SORCS2: variants seen among roughly 807,000 people sequenced by gnomAD.
SORCS2 encodes the protein sortilin related VPS10 domain containing receptor 2, also known as VPS10 domain-containing receptor SorCS2.
SORCS2 carries 100 observed loss-of-function variants against 141.6 expected under a neutral mutation model. The observed-to-expected ratio is 0.71, with a 90% CI of 0.60 to 0.83. The LOEUF is 0.83. SORCS2 is among the 40% of genes least tolerant of loss of function. SORCS2 has a pLI of 0.00. For synonymous variants in SORCS2, 789 were observed against 676.9 expected (o/e 1.17, Z -2.57); for missense variants, 1,646 against 1,560.2 (o/e 1.05, Z -0.93).
chr4:7,328,491 C>A (rs1318704960), intron 1 of SORCS2, among the ~76,000 whole-genome samples: 1 of 152,104 alleles, frequency 6.6e-6, no homozygotes, highest in Non-Finnish European at 1.5e-5. Flanking sequence ...AGGCACAGAT[C>A]TGCACAGGTT....
chr4:7,327,406 CCT>C (rs1182129960), intron 1 of SORCS2, among the ~76,000 whole-genome samples: 2 of 152,196 alleles, frequency 1.3e-5, no homozygotes, highest in Non-Finnish European at 2.9e-5. Context: ...GACCTCCGCT[CCT>C]CTCTTGTCTA....
chr4:7,692,745 T>G (rs10023670), intron 11 of SORCS2, among the ~76,000 whole-genome samples: 1 of 151,942 alleles, frequency 6.6e-6, no homozygotes, highest in Non-Finnish European at 1.5e-5. Context: ...TTGGATTGAG[T>G]CTGCTGGGCA....
chr4:7,497,996 C>T (rs1269948785), intron 2 of SORCS2, among the ~76,000 whole-genome samples: 1 of 152,260 alleles, frequency 6.6e-6, no homozygotes, highest in Non-Finnish European at 1.5e-5. Flanking sequence ...CTGGTGCCCA[C>T]AGCCTGTTTC....
At chr4:7,213,445 G>T (rs569482798) in intron 1 of SORCS2, among the ~76,000 whole-genome samples, 1 of 152,334 alleles carries the variant, frequency 6.6e-6, no homozygotes, top group African/African-American at 2.4e-5. Context: ...GGGAAATGGT[G>T]CAGACAGCAA....
intron 1 of SORCS2, among the ~76,000 whole-genome samples, chr4:7,290,450 A>C (rs1423610141): frequency 1.3e-5 from 2 of 152,168 alleles, no homozygotes; most frequent in Admixed American, 6.5e-5. Flanking sequence ...AGAGGAACCT[A>C]GTTGATTTTT....
At chr4:7,377,185 G>A (rs772003706) in intron 1 of SORCS2, among the ~76,000 whole-genome samples, 4 of 151,740 alleles carry the variant, frequency 2.6e-5, no homozygotes, top group South Asian at 2.1e-4. Flanking sequence ...TTTTTCCTCC[G>A]GATTTGTATC....
chr4:7,403,983 ATATATATATATATATTTTTTT>A (rs1404435878), intron 2 of SORCS2, among the ~76,000 whole-genome samples: 12 of 20,236 alleles, frequency 5.9e-4, no homozygotes, highest in African/African-American at 2.1e-3. Context: ...ATATATATAT[ATATATATATATATATTTTTTT>A]TTTTTTTTTA....
intron 18 of SORCS2, among the ~76,000 whole-genome samples, chr4:7,720,390 G>A (rs1276679533): frequency 6.6e-6 from 1 of 152,154 alleles, no homozygotes; most frequent in Non-Finnish European, 1.5e-5. Flanking sequence ...AGATTTAAAT[G>A]TCGCATGTAA....
Position 7,478,420 on chromosome 4 carries a change from G to A in SORCS2, c.549-53110G>A, listed in dbSNP as rs561208308. ...TTAAAAGAGTACCGCCACCCCCACC[G>A]TCCCCACCCGTACCTCAGCTGCCTC... On this transcript the variant is annotated intron_variant, in intron 2 of 26. Coordinates refer to ENST00000507866, the MANE Select transcript of SORCS2 (RefSeq NM_020777.3). 6.7e-5 allele frequency among the ~76,000 whole-genome samples: 10 copies of A among 150,282 alleles called. No homozygotes were observed. In the South Asian group the frequency reaches 1.1e-3, roughly 16 times the overall value.
intron 12 of SORCS2, among the ~76,000 whole-genome samples, chr4:7,701,851 G>A (rs749850130): frequency 6.6e-6 from 1 of 152,176 alleles, no homozygotes; most frequent in African/African-American, 2.4e-5. Flanking sequence ...CCCCATGATT[G>A]TTCCCCAGCT....
chr4:7,511,081 A>G (rs1293379724), intron 2 of SORCS2, among the ~76,000 whole-genome samples: 1 of 152,270 alleles, frequency 6.6e-6, no homozygotes, highest in East Asian at 1.9e-4. Context: ...GCGGAAGAGG[A>G]TGAATGAGGG....
intron 3 of SORCS2, among the ~76,000 whole-genome samples, chr4:7,627,905 G>T (rs1386161515): frequency 6.6e-6 from 1 of 152,258 alleles, no homozygotes; most frequent in Non-Finnish European, 1.5e-5. Context: ...GCAAGTATCA[G>T]GAGGTCAGGC....
intron 3 of SORCS2, among the ~76,000 whole-genome samples, chr4:7,618,062 C>T (rs964685077): frequency 6.6e-6 from 1 of 152,052 alleles, no homozygotes; most frequent in Non-Finnish European, 1.5e-5. Context: ...AGTCCAAACT[C>T]AGATCTCCTG....
At chr4:7,725,348 TG>T in intron 20 of SORCS2, 61 bp downstream of exon 20, 1 of 1,563,044 alleles carries the variant, frequency 6.4e-7, no homozygotes, top group Non-Finnish European at 8.7e-7. Flanking sequence ...AGCTGCACAG[TG>T]GGGCAGAGCA....
rs1264793030 is a variant in SORCS2 at position 7,233,063 on chromosome 4, C to G, written c.480+39937C>G. 6.6e-6 allele frequency among the ~76,000 whole-genome samples: 1 copy of G among 152,130 alleles called. No individual in the cohort carries two copies. The highest frequency in any genetic ancestry group is 6.5e-5 in the Admixed American group (1 of 15,276). On this transcript the variant is annotated intron_variant, in intron 1 of 26. Transcript: ENST00000507866. This position sits in a 1 kb window ranked among gnomAD's most constrained non-coding sequence, Gnocchi z 4.5. ...TTCTGGGGCATGGGTCAGCTGAGCC[C>G]AGGAGTCAGGCTTCGGCACCCGCAT...
intron 1 of SORCS2, among the ~76,000 whole-genome samples, chr4:7,379,666 C>A (rs1722868413): frequency 1.3e-5 from 2 of 152,232 alleles, no homozygotes; most frequent in Admixed American, 6.5e-5. Context: ...CCACATAGCC[C>A]AAATGAAGGA....
chr4:7,248,679 T>G (rs996869940), intron 1 of SORCS2, among the ~76,000 whole-genome samples: 1 of 152,258 alleles, frequency 6.6e-6, no homozygotes, highest in Non-Finnish European at 1.5e-5. Context: ...TATTCGATTT[T>G]ATTCCTCTTT....
rs1305743676 is a variant in SORCS2 at position 7,519,799 on chromosome 4, GC to G, written c.549-11729del. 2.9e-4 allele frequency among the ~76,000 whole-genome samples: 44 copies of G among 152,296 alleles called. 1 individual carries two copies. Among genetic ancestry groups the G allele is most frequent in the Non-Finnish European group, 5.1e-4 (35 of 68,024 alleles). ...TCAGCTCCTGCAGCTCCTTGGCCCGGCCTCCCAGAGGGCGCACATGGGGGCT... is the reference window on the plus strand; with the variant it reads ...TCAGCTCCTGCAGCTCCTTGGCCCGGCTCCCAGAGGGCGCACATGGGGGCT... On this transcript the variant is annotated intron_variant, in intron 2 of 26. Coordinates refer to ENST00000507866, the MANE Select transcript of SORCS2 (RefSeq NM_020777.3).
intron 2 of SORCS2, among the ~76,000 whole-genome samples, chr4:7,406,311 A>G (rs1256395099): frequency 6.7e-6 from 1 of 149,624 alleles, no homozygotes; most frequent in Non-Finnish European, 1.5e-5. Flanking sequence ...TAGGATTGGT[A>G]TCAGTTCTTC....
Sources: gnomAD v4.1 joint callset for allele counts (sites outside exome capture counted in the v4.1 genomes callset) on GRCh38, gnomAD v4.1.1 for gene constraint, Gnocchi (gnomAD v3.1) non-coding constraint, MANE v1.5 for transcripts, NCBI Gene and HGNC (gene_info 2026-07-23, HGNC 2026-07-21) for gene names.